ZNF710: variants seen among roughly 807,000 people sequenced by gnomAD.
ZNF710 encodes zinc finger protein 710.
A neutral mutation model predicts 50.6 loss-of-function variants in ZNF710; 13 were observed. The ratio of observed to expected loss-of-function variants is 0.26; its 90% CI spans 0.17 to 0.41. ZNF710 has a LOEUF of 0.41. ZNF710 is among the 10% of genes least tolerant of loss of function. ZNF710 has a pLI of 1.00. For missense variants in ZNF710, 721 were observed against 936.6 expected, an observed-to-expected ratio of 0.77 and a Z score of 3.01; for synonymous variants, 383 against 397.0, an observed-to-expected ratio of 0.96 and a Z score of 0.42.
intron 2 of ZNF710, among the ~76,000 whole-genome samples, chr15:90,072,526 C>T (rs1247880066): frequency 1.3e-5 from 2 of 152,062 alleles, no homozygotes; most frequent in Non-Finnish European, 2.9e-5. Context: ...GGGGGGTGTC[C>T]ATAGCTTCAA....
intron 1 of ZNF710, among the ~76,000 whole-genome samples, chr15:90,052,250 C>CT (rs942909091): frequency 5.4e-5 from 8 of 149,294 alleles, no homozygotes; most frequent in East Asian, 3.9e-4. Context: ...CCCCATGTGA[C>CT]TTTTTTTTGT....
At chr15:90,007,266 G>A (rs958462086) in intron 1 of ZNF710, among the ~76,000 whole-genome samples, 4 of 152,146 alleles carry the variant, frequency 2.6e-5, no homozygotes, top group South Asian at 2.1e-4. Flanking sequence ...AACCTAAAAC[G>A]GGGAGAGAGA....
chr15:90,068,018 G>A lies in ZNF710; in HGVS notation c.881G>A (p.Arg294His), dbSNP rs374855143. The change falls in exon 2 of 5, where the codon CGC (arginine) becomes CAC (histidine). Residue 294 changes from arginine (R) to histidine (H), a missense_variant. By Grantham distance (29) the Arg-to-His change is conservative. This residue lies in a region of ZNF710 where 326 missense variants were observed against 522.0 expected (regional missense o/e 0.62). Coordinates refer to ENST00000268154, the MANE Select transcript of ZNF710 (RefSeq NM_198526.4). This position sits in a 1 kb window ranked among gnomAD's most constrained non-coding sequence, Gnocchi z 5.0. ...YLVEAGDRQK[R>H]WQCRMCEKSY... ...GTGGAGGCGGGCGACCGCCAGAAGC[G>A]CTGGCAGTGCCGCATGTGCGAGAAG... 2 of 1,614,180 alleles carry A rather than the reference G, an allele frequency of 1.2e-6. No homozygotes were observed. Among genetic ancestry groups the A allele is most frequent in the Non-Finnish European group, 1.7e-6 (2 of 1,180,042 alleles).
chr15:90,028,380 G>A (rs555245473), intron 1 of ZNF710, among the ~76,000 whole-genome samples: 4 of 152,302 alleles, frequency 2.6e-5, no homozygotes, highest in African/African-American at 9.6e-5. Flanking sequence ...TGTGCTCCAA[G>A]GGTGTCTCTG....
intron 2 of ZNF710, among the ~76,000 whole-genome samples, chr15:90,072,002 C>T (rs1426810625): frequency 1.3e-5 from 2 of 151,778 alleles, no homozygotes; most frequent in Non-Finnish European, 2.9e-5. Flanking sequence ...TAGGGTCTTG[C>T]TATGTTGTCC....
At chr15:90,030,063 C>T (rs186234886) in intron 1 of ZNF710, among the ~76,000 whole-genome samples, 89 of 151,906 alleles carry the variant, frequency 5.9e-4, no homozygotes, top group Middle Eastern at 3.4e-3. Context: ...GGCACAGTGG[C>T]TCACACCTGT....
intron 1 of ZNF710, among the ~76,000 whole-genome samples, chr15:90,031,556 A>C (rs1898950989): frequency 6.6e-6 from 1 of 152,232 alleles, no homozygotes; most frequent in Non-Finnish European, 1.5e-5. Context: ...GTCTCTCAAC[A>C]CCAGGTCTTT....
At chr15:90,060,968 G>A (rs1596049187) in intron 1 of ZNF710, among the ~76,000 whole-genome samples, 1 of 152,222 alleles carries the variant, frequency 6.6e-6, no homozygotes, top group Admixed American at 6.5e-5. Context: ...AGGCAAGCCT[G>A]CCTTCCAGGA....
intron 1 of ZNF710, among the ~76,000 whole-genome samples, chr15:90,049,518 C>T (rs1002575165): frequency 2.0e-5 from 3 of 152,200 alleles, no homozygotes; most frequent in African/African-American, 2.4e-5. Flanking sequence ...ATTTGAATTC[C>T]AGCATCTGGG....
chr15:90,043,880 C>A (rs553540366), intron 1 of ZNF710, among the ~76,000 whole-genome samples: 1 of 152,302 alleles, frequency 6.6e-6, no homozygotes, highest in Non-Finnish European at 1.5e-5. Context: ...CCTCTTTTTT[C>A]CCCTTTTTCT....
chr15:90,053,348 C>CTT (rs111542346), intron 1 of ZNF710, among the ~76,000 whole-genome samples: 15,471 of 144,630 alleles, frequency 0.11, 2,335 homozygotes, highest in African/African-American at 0.34. Flanking sequence ...CAGTGAATTC[C>CTT]TTTTTTTTTT....
At chr15:90,008,441 C>CATATATATACACAT (rs1898202210) in intron 1 of ZNF710, among the ~76,000 whole-genome samples, 1 of 126,512 alleles carries the variant, frequency 7.9e-6, no homozygotes, top group African/African-American at 3.8e-5. Context: ...TATATATATA[C>CATATATATACACAT]ATATATATAT....
At chr15:90,035,190 A>T (rs1899083422) in intron 1 of ZNF710, among the ~76,000 whole-genome samples, 1 of 152,228 alleles carries the variant, frequency 6.6e-6, no homozygotes, top group African/African-American at 2.4e-5. Context: ...GGGACCTGGC[A>T]ACCACACAAT....
rs1900043163 is a variant in ZNF710 at position 90,062,519 on chromosome 15, C to T, written c.-28-4591C>T. On this transcript the variant is annotated intron_variant, in intron 1 of 4. Coordinates refer to ENST00000268154, the MANE Select transcript of ZNF710 (RefSeq NM_198526.4). The surrounding 1 kb of genome is among the most constrained non-coding windows in gnomAD (Gnocchi z 5.6). ...TAAGAAGGGAGGGGCCCCAGTGGGG[C>T]CCCAGGCGGATGACAGAGGGGCCTT... Among the ~76,000 whole-genome samples the T allele has an allele frequency of 6.6e-6, 1 of 152,138 alleles. No homozygotes were observed. The highest frequency in any genetic ancestry group is 2.1e-4 in the South Asian group (1 of 4,824).
At chr15:90,035,626 G>A (rs1237808932) in intron 1 of ZNF710, among the ~76,000 whole-genome samples, 1 of 152,242 alleles carries the variant, frequency 6.6e-6, no homozygotes, top group African/African-American at 2.4e-5. Flanking sequence ...GGGCTCTCTA[G>A]CTGGGGCGGG....
chr15:90,037,310 C>G (rs900201468), intron 1 of ZNF710, among the ~76,000 whole-genome samples: 5 of 152,212 alleles, frequency 3.3e-5, no homozygotes, highest in African/African-American at 9.6e-5. Flanking sequence ...GGTGTTGGCA[C>G]TGGCATTTGC....
intron 1 of ZNF710, among the ~76,000 whole-genome samples, chr15:90,031,231 G>T (rs1898939594): frequency 6.6e-6 from 1 of 152,152 alleles, no homozygotes; most frequent in Non-Finnish European, 1.5e-5. Context: ...CCAACACATT[G>T]ATTGAAGTGA....
chr15:90,023,866 G>C (rs1316262439), intron 1 of ZNF710, among the ~76,000 whole-genome samples: 1 of 152,066 alleles, frequency 6.6e-6, no homozygotes, highest in Non-Finnish European at 1.5e-5. Flanking sequence ...GGACATAGTG[G>C]CATACACCTG....
chr15:90,037,990 C>T (rs765527002), intron 1 of ZNF710, among the ~76,000 whole-genome samples: 1 of 152,214 alleles, frequency 6.6e-6, no homozygotes, highest in Non-Finnish European at 1.5e-5. Flanking sequence ...CAGGCCTGGC[C>T]TTCCAGCCAG....
Sources: gnomAD v4.1 joint callset for allele counts (sites outside exome capture counted in the v4.1 genomes callset) on GRCh38, gnomAD v4.1.1 for gene constraint, gnomAD v4.1.1 regional missense constraint, Gnocchi (gnomAD v3.1) non-coding constraint, MANE v1.5 for transcripts, NCBI Gene and HGNC (gene_info 2026-07-23, HGNC 2026-07-21) for gene names.